Variants in DIAPH2 observed in about 807,000 individuals in gnomAD.
DIAPH2 encodes the protein protein diaphanous homolog 2.
In DIAPH2, 35 loss-of-function variants were observed where a neutral mutation model predicts 92.7. That is an observed-to-expected ratio of 0.38 (90% CI 0.29 to 0.50). The LOEUF (loss-of-function observed/expected upper bound fraction) is 0.50. Ranked by LOEUF, DIAPH2 falls within the 20% of genes least tolerant of loss-of-function variation. The pLI, the probability that DIAPH2 is intolerant of heterozygous loss-of-function variation, is 0.94. For synonymous variants in DIAPH2, 301 were observed against 280.4 expected, an observed-to-expected ratio of 1.07 and a Z score of -0.73; for missense variants, 701 against 819.5, an observed-to-expected ratio of 0.86 and a Z score of 1.77.
chrX:97,577,661 G>A lies in DIAPH2; in HGVS notation c.3242-21592G>A, dbSNP rs2071407406. ...CTGGAAGATATATAGATGTGTTTGT[G>A]GAACAGTTGTGAAGCCAACCTAACT... is the stretch of plus-strand genomic sequence containing the variant. On this transcript the variant is annotated intron_variant, in intron 26 of 26. Coordinates refer to ENST00000324765, the MANE Select transcript of DIAPH2 (RefSeq NM_006729.5). 2.7e-5 allele frequency among the ~76,000 whole-genome samples: 3 copies of A among 111,761 alleles called. No homozygotes were observed. The South Asian group carries it at 1.1e-3, about 42-fold the overall frequency.
intron 1 of DIAPH2, among the ~76,000 whole-genome samples, chrX:96,701,104 A>G (rs767416607): frequency 6.3e-5 from 7 of 111,620 alleles, no homozygotes; most frequent in Non-Finnish European, 1.1e-4. Context: ...TTTATTGCCT[A>G]CTTGAAGGTG....
intron 17 of DIAPH2, among the ~76,000 whole-genome samples, chrX:97,064,217 A>C (rs1265301879): frequency 8.9e-6 from 1 of 111,780 alleles, no homozygotes; most frequent in African/African-American, 3.3e-5. Context: ...CCCTACTTAC[A>C]TGATATCTAA....
intron 25 of DIAPH2, among the ~76,000 whole-genome samples, chrX:97,423,092 G>T (rs1167911464): frequency 9.0e-6 from 1 of 111,355 alleles, no homozygotes; most frequent in Admixed American, 9.6e-5. Context: ...ACTCACGGTG[G>T]GTTTGTGTCA....
At chrX:96,703,450 C>T (rs2063866440) in intron 1 of DIAPH2, among the ~76,000 whole-genome samples, 1 of 111,771 alleles carries the variant, frequency 8.9e-6, no homozygotes, top group Non-Finnish European at 1.9e-5. Flanking sequence ...ATAGTGTGTA[C>T]TTTGATAACT....
chrX:96,810,961 C>T (rs1334772189), intron 4 of DIAPH2, among the ~76,000 whole-genome samples: 14 of 111,784 alleles, frequency 1.3e-4, no homozygotes, highest in Non-Finnish European at 1.7e-4. Flanking sequence ...GTGATGCCTC[C>T]AGCTTTGTTC....
chrX:96,787,871 T>TTTTTTTA (rs889937773), intron 4 of DIAPH2, among the ~76,000 whole-genome samples: 1 of 106,773 alleles, frequency 9.4e-6, no homozygotes, highest in Non-Finnish European at 1.9e-5. Context: ...TTTTCTTTTT[T>TTTTTTTA]TTTTTTATTT....
intron 13 of DIAPH2, among the ~76,000 whole-genome samples, chrX:96,944,745 C>T (rs1468480717): frequency 4.5e-5 from 5 of 111,324 alleles, no homozygotes; most frequent in Non-Finnish European, 9.5e-5. Flanking sequence ...AGTAGTATTC[C>T]AGCTTATGGA....
Position 96,939,400 on chromosome X carries a change from G to T in DIAPH2, c.1325+18G>T. 1.4e-6 allele frequency: 1 copy of T among 725,783 alleles called. No homozygotes were observed. The highest frequency in any genetic ancestry group is 2.1e-6 in the Non-Finnish European group (1 of 477,171). The allele number at this position is 725,783 out of a possible 1,213,427, so 59.8% of individuals were successfully genotyped here. The stretch of plus-strand genomic sequence containing the variant: ...TATATCAGGTAAGAGGCAGTTCTGA[G>T]AGTACTATATTTATAATTTGAATCG... On this transcript the variant is annotated intron_variant, in intron 12 of 26. Coordinates refer to ENST00000324765, the MANE Select transcript of DIAPH2 (RefSeq NM_006729.5).
intron 23 of DIAPH2, among the ~76,000 whole-genome samples, chrX:97,333,844 C>T (rs1409695243): frequency 9.1e-6 from 1 of 110,345 alleles, no homozygotes; most frequent in African/African-American, 3.3e-5. Context: ...GGATTACATG[C>T]GTGAGCCACC....
intron 24 of DIAPH2, among the ~76,000 whole-genome samples, chrX:97,366,960 G>T (rs775990500): frequency 3.6e-4 from 40 of 111,538 alleles, no homozygotes; most frequent in Non-Finnish European, 6.6e-4. Context: ...AGTCAAAAGG[G>T]CATACAGAAG....
intron 23 of DIAPH2, among the ~76,000 whole-genome samples, chrX:97,347,579 G>A (rs776099486): frequency 2.1e-4 from 23 of 110,533 alleles, no homozygotes; most frequent in African/African-American, 3.3e-4. Context: ...CAAATGTTCC[G>A]TGTGGCTACA....
chrX:97,247,854 T>C lies in DIAPH2; in HGVS notation c.2844+15T>C. On this transcript the variant is annotated intron_variant, in intron 23 of 26. Coordinates refer to ENST00000324765, the MANE Select transcript of DIAPH2 (RefSeq NM_006729.5). Reference sequence around the variant, plus strand: ...AAAAGATGACCATATCCTTTATTTATTTAAGCATTTTGTCTAGTTTTTAGT... The same window carrying C: ...AAAAGATGACCATATCCTTTATTTACTTAAGCATTTTGTCTAGTTTTTAGT... 1 of 1,199,486 alleles carries C rather than the reference T, an allele frequency of 8.3e-7. No homozygotes were observed. The highest frequency in any genetic ancestry group is 1.7e-5 in the African/African-American group (1 of 57,602).
chrX:97,089,144 A>T (rs1432218732), intron 19 of DIAPH2, among the ~76,000 whole-genome samples: 4 of 112,337 alleles, frequency 3.6e-5, no homozygotes, highest in African/African-American at 1.3e-4. Context: ...GCTGCCCTAA[A>T]TCCATGAGGA....
chrX:96,852,362 T>C (rs1267769835), intron 4 of DIAPH2, among the ~76,000 whole-genome samples: 1 of 112,571 alleles, frequency 8.9e-6, no homozygotes, highest in African/African-American at 3.2e-5. Flanking sequence ...AATATATTCA[T>C]GTGAAGTTTA....
chrX:97,557,041 G>A (rs368039283), intron 26 of DIAPH2, among the ~76,000 whole-genome samples: 1 of 111,885 alleles, frequency 8.9e-6, no homozygotes, highest in East Asian at 2.8e-4. Flanking sequence ...ATTCATAGTT[G>A]TGAGTATGCA....
At chrX:96,945,505 C>T in intron 13 of DIAPH2, 22 bp from the exon 14 acceptor site, 2 of 1,150,916 alleles carry the variant, frequency 1.7e-6, no homozygotes, top group South Asian at 2.1e-5. Flanking sequence ...AATTTCGAAT[C>T]ACTTTTGTTT....
intron 4 of DIAPH2, among the ~76,000 whole-genome samples, chrX:96,806,669 C>CAAG (rs2064628745): frequency 1.3e-5 from 1 of 77,892 alleles, no homozygotes; most frequent in African/African-American, 5.4e-5. Context: ...AAAAAAGAAA[C>CAAG]AAAGAAATTA....
At chrX:97,239,902 T>C (rs2068079451) in intron 22 of DIAPH2, among the ~76,000 whole-genome samples, 1 of 106,753 alleles carries the variant, frequency 9.4e-6, no homozygotes, top group African/African-American at 3.4e-5. Context: ...CACACGCACA[T>C]GCACCCCCTA....
At chrX:96,831,073 A>G (rs2064851636) in intron 4 of DIAPH2, among the ~76,000 whole-genome samples, 1 of 111,584 alleles carries the variant, frequency 9.0e-6, no homozygotes, top group East Asian at 2.8e-4. Flanking sequence ...GTAGCTTTCT[A>G]TCTCTTTATG....
Sources: gnomAD v4.1 joint callset for allele counts (sites outside exome capture counted in the v4.1 genomes callset) on GRCh38, gnomAD v4.1.1 for gene constraint, MANE v1.5 for transcripts, NCBI Gene and HGNC (gene_info 2026-07-23, HGNC 2026-07-21) for gene names.